The following UBA2 variants were observed in gnomAD, a reference collection of about 807,000 sequenced individuals.
The protein encoded by UBA2 is ubiquitin like modifier activating enzyme 2, also known as SUMO-activating enzyme subunit 2.
A neutral mutation model predicts 77.2 loss-of-function variants in UBA2; 11 were observed. The ratio of observed to expected loss-of-function variants is 0.14; its 90% CI spans 0.09 to 0.24. The LOEUF (loss-of-function observed/expected upper bound fraction) is 0.24, where lower values mean the gene tolerates loss of function less well. Ranked by LOEUF, UBA2 falls within the 10% of genes least tolerant of loss-of-function variation. UBA2 has a pLI of 1.00. For synonymous variants in UBA2, 278 were observed against 276.7 expected, an observed-to-expected ratio of 1.00 and a Z score of -0.05; for missense variants, 487 against 781.7, an observed-to-expected ratio of 0.62 and a Z score of 4.50.
intron 15 of UBA2, among the ~76,000 whole-genome samples, 166 bp from the exon 16 acceptor site, chr19:34,466,709 CATT>C (rs1489259268): frequency 2.0e-5 from 3 of 151,764 alleles, no homozygotes; most frequent in Non-Finnish European, 4.4e-5. Context: ...GCCTGGGCAA[CATT>C]ATGAGACCCT....
chr19:34,460,313 A>G (rs1040298696), intron 13 of UBA2, among the ~76,000 whole-genome samples, 157 bp from the exon 14 acceptor site: 2 of 152,308 alleles, frequency 1.3e-5, no homozygotes, highest in East Asian at 1.9e-4. Flanking sequence ...GTGAATCCCC[A>G]CGGCTTTCCT....
intron 8 of UBA2, among the ~76,000 whole-genome samples, chr19:34,445,846 C>G (rs1214652399): frequency 6.6e-6 from 1 of 152,160 alleles, no homozygotes; most frequent in African/African-American, 2.4e-5. Flanking sequence ...TGAAATCCCT[C>G]TTCATCAGTA....
Position 34,434,864 on chromosome 19 carries a change from C to G in UBA2, c.359-4C>G, listed in dbSNP as rs2075292422. ...AAAACTCATACTGTTTGTTTTACTT[C>G]CAGCTGCCCGAAACCATGTTAATAG... On this transcript the variant is annotated splice_polypyrimidine_tract_variant and splice_region_variant and intron_variant, in intron 4 of 16. Coordinates refer to ENST00000246548, the MANE Select transcript of UBA2 (RefSeq NM_005499.3). The G allele has an allele frequency of 6.3e-7, 1 of 1,594,066 alleles. No individual in the cohort carries two copies. The highest frequency in any genetic ancestry group is 1.3e-5 in the African/African-American group (1 of 74,688).
intron 6 of UBA2, among the ~76,000 whole-genome samples, chr19:34,442,024 C>A (rs2075375486): frequency 6.6e-6 from 1 of 152,068 alleles, no homozygotes; most frequent in South Asian, 2.1e-4. Context: ...TGCTTGAGCC[C>A]AGCAGTTTGA....
chr19:34,433,285 A>G, intron 3 of UBA2, 63 bp from the exon 4 acceptor site: 2 of 1,164,498 alleles, frequency 1.7e-6, no homozygotes, highest in Non-Finnish European at 2.6e-6. Flanking sequence ...ACTGTTTATT[A>G]TACTGCAAAG....
chr19:34,451,434 TAATGCTTA>T (rs1319504632), intron 9 of UBA2, among the ~76,000 whole-genome samples: 1 of 151,766 alleles, frequency 6.6e-6, no homozygotes, highest in Admixed American at 6.6e-5. Context: ...GTGCTGGGCC[TAATGCTTA>T]TTTATCATCT....
chr19:34,461,198 A>G (rs938410602), intron 14 of UBA2, among the ~76,000 whole-genome samples: 4 of 152,012 alleles, frequency 2.6e-5, no homozygotes, highest in Non-Finnish European at 5.9e-5. Flanking sequence ...TCCATGTCCC[A>G]GTTTTTGCCA....
At chr19:34,462,948 A>T (rs1029950698) in intron 14 of UBA2, among the ~76,000 whole-genome samples, 1 of 152,154 alleles carries the variant, frequency 6.6e-6, no homozygotes, top group Non-Finnish European at 1.5e-5. Context: ...TACAAAAATT[A>T]GCCAGGCATG....
chr19:34,470,973 CCCCT>C lies in UBA2; in HGVS notation c.*1753_*1756del, dbSNP rs2075728835. ...TTTCTGCAGTGTTTGTCTGGGTTGT[CCCCT>C]AGTTTACCAAAGTCCATTTTGAATG... is the stretch of plus-strand genomic sequence containing the variant. On this transcript the variant is annotated 3_prime_UTR_variant, in exon 17 of 17. Coordinates refer to ENST00000246548, the MANE Select transcript of UBA2 (RefSeq NM_005499.3). The C allele has an allele frequency of 1.3e-5, 2 of 152,158 alleles. No homozygotes were observed. The highest frequency in any genetic ancestry group is 2.4e-5 in the African/African-American group (1 of 41,418). 9.4% of individuals were successfully genotyped at this position (152,158 alleles called of 1,614,324 possible).
At chr19:34,467,636 C>T (rs1375079379) in intron 16 of UBA2, among the ~76,000 whole-genome samples, 1 of 151,976 alleles carries the variant, frequency 6.6e-6, no homozygotes, top group South Asian at 2.1e-4. Context: ...ATTAGCTGGG[C>T]GTGGCAGCAT....
In UBA2 at chr19:34,453,781, A is replaced by G. The variant is rs1438811447; in HGVS notation, c.1039-479A>G. 2.6e-5 allele frequency among the ~76,000 whole-genome samples: 4 copies of G among 152,068 alleles called. No homozygotes were observed. The Middle Eastern group carries it at 0.014, about 517-fold the overall frequency. On this transcript the variant is annotated intron_variant, in intron 10 of 16. Transcript: ENST00000246548. ...GAGCTCAGGCAATCTGCTTGCCTCA[A>G]CCTACTAAATTGCTTGAGACTACAG...
At chr19:34,456,100 C>CTTTTCTTTTT (rs2075557152) in intron 12 of UBA2, among the ~76,000 whole-genome samples, 25 of 55,782 alleles carry the variant, frequency 4.5e-4, no homozygotes, top group African/African-American at 1.4e-3. Context: ...TTTTCCTTTT[C>CTTTTCTTTTT]TTTTTCTTTT....
Position 34,464,015 on chromosome 19 carries a change from A to G in UBA2, c.1499-11A>G, listed in dbSNP as rs866351432. 3 of 1,585,516 alleles carry G rather than the reference A, an allele frequency of 1.9e-6. No individual in the cohort carries two copies. The highest frequency in any genetic ancestry group is 3.3e-5 in the Admixed American group (2 of 59,966). ...TGTAACTGAAGTATCTAAATTATTC[A>G]CGTTTCCTAGCTAATAATCACAAGA... is the stretch of plus-strand genomic sequence containing the variant. On this transcript the variant is annotated splice_polypyrimidine_tract_variant and intron_variant, in intron 14 of 16. Transcript: ENST00000246548.
chr19:34,439,260 T>C (rs959238879), intron 6 of UBA2, among the ~76,000 whole-genome samples: 4 of 151,656 alleles, frequency 2.6e-5, no homozygotes, highest in Admixed American at 6.6e-5. Flanking sequence ...TAGTCTTATA[T>C]TGGAGACAGC....
chr19:34,465,778 A>G lies in UBA2; in HGVS notation c.1605-1100A>G, dbSNP rs1008360090. ...TGGCATGCTTGTTTTCACTTGTGAA[A>G]GAAAAGACAGTGGAAGGACATGTAC... is the stretch of plus-strand genomic sequence containing the variant. On this transcript the variant is annotated intron_variant, in intron 15 of 16. Coordinates refer to ENST00000246548, the MANE Select transcript of UBA2 (RefSeq NM_005499.3). Among the ~76,000 whole-genome samples, 5 of 152,222 alleles carry G rather than the reference A, an allele frequency of 3.3e-5. 1 individual carries two copies. The highest frequency in any genetic ancestry group is 2.0e-4 in the Admixed American group (3 of 15,280).
Position 34,445,038 on chromosome 19 carries a change from A to G in UBA2, c.688A>G (p.Asn230Asp). The change falls in exon 8 of 17, where the codon AAT (asparagine) becomes GAT (aspartate). Residue 230 changes from asparagine to aspartate, a missense_variant. Around this residue, in one of 9 missense-constraint regions of UBA2, gnomAD observed 300 missense variants for 454.3 expected, o/e 0.66. Coordinates refer to ENST00000246548, the MANE Select transcript of UBA2 (RefSeq NM_005499.3). ...AGCCGAAGCCAGAGCTAGAGCATCT[A>G]ATGAAGATGGTGACATTAAACGTAT... ...TEAEARARAS[N>D]EDGDIKRIST... is the part of the protein sequence containing the mutation. 6.2e-7 allele frequency: 1 copy of G among 1,613,996 alleles called. No homozygotes were observed. The highest frequency in any genetic ancestry group is 1.1e-5 in the South Asian group (1 of 91,036).
chr19:34,450,392 A>C (rs368571970), intron 9 of UBA2, 28 bp downstream of exon 9: 2 of 1,496,024 alleles, frequency 1.3e-6, no homozygotes, highest in South Asian at 1.2e-5. Context: ...GTCTTGGAAC[A>C]CCTAAGCTGG....
Position 34,469,836 on chromosome 19 carries a change from A to T in UBA2, c.*615A>T, listed in dbSNP as rs1355115079. The T allele has an allele frequency of 6.6e-6, 1 of 152,560 alleles. No homozygotes were observed. The highest frequency in any genetic ancestry group is 1.9e-4 in the East Asian group (1 of 5,192). 9.5% of individuals were successfully genotyped at this position (152,560 alleles called of 1,614,324 possible). ...GTTATTTATATTCGATGTTTTGTAA[A>T]ACTCAAATAACGACTATACTTATGG... is the stretch of plus-strand genomic sequence containing the variant. On this transcript the variant is annotated 3_prime_UTR_variant, in exon 17 of 17. Coordinates refer to ENST00000246548, the MANE Select transcript of UBA2 (RefSeq NM_005499.3).
Position 34,466,872 on chromosome 19 carries a change from C to T in UBA2, c.1605-6C>T, listed in dbSNP as rs762442428. ...CATAGCAGTGACCTGTGTGATTCTC[C>T]TACAGTGAAGACCTAGGAAAGGACG... On this transcript the variant is annotated splice_region_variant and splice_polypyrimidine_tract_variant and intron_variant, in intron 15 of 16. Coordinates refer to ENST00000246548, the MANE Select transcript of UBA2 (RefSeq NM_005499.3). 6.2e-7 allele frequency: 1 copy of T among 1,612,044 alleles called. No homozygotes were observed. The highest frequency in any genetic ancestry group is 8.5e-7 in the Non-Finnish European group (1 of 1,179,784).
Sources: allele counts gnomAD v4.1 joint callset (sites outside exome capture counted in the v4.1 genomes callset), GRCh38; gene constraint gnomAD v4.1.1; regional missense constraint gnomAD v4.1.1; transcripts MANE v1.5; gene names NCBI Gene and HGNC (gene_info 2026-07-23, HGNC 2026-07-21).